Variants in ENTPD4 observed in about 807,000 individuals in gnomAD.
ENTPD4 encodes ectonucleoside triphosphate diphosphohydrolase 4.
A neutral mutation model predicts 79.1 loss-of-function variants in ENTPD4; 60 were observed. That is an observed-to-expected ratio of 0.76 (90% CI 0.62 to 0.94). The LOEUF (loss-of-function observed/expected upper bound fraction) is 0.94. Ranked by LOEUF, ENTPD4 falls within the 40% of genes least tolerant of loss-of-function variation. ENTPD4 has a pLI of 0.00. For synonymous variants in ENTPD4, 276 were observed against 292.0 expected, an observed-to-expected ratio of 0.95 and a Z score of 0.56; for missense variants, 772 against 775.1, an observed-to-expected ratio of 1.00 and a Z score of 0.05.
chr8:23,429,700 A>G lies in ENTPD4; in HGVS notation c.*3226T>C, dbSNP rs1173016461. ...CAGATGTGGAAAACTGGTGGTGAAA[A>G]GAGGGACCTACCCAGCCTTCAGGGT... On this transcript the variant is annotated 3_prime_UTR_variant, in exon 13 of 13. Coordinates refer to ENST00000358689, the MANE Select transcript of ENTPD4 (RefSeq NM_004901.5). 1 of 985,322 alleles carries G rather than the reference A, an allele frequency of 1.0e-6. No individual in the cohort carries two copies. Among genetic ancestry groups the G allele is most frequent in the Non-Finnish European group, 1.2e-6 (1 of 829,936 alleles). The allele number at this position is 985,322 out of a possible 1,614,324, so 61.0% of individuals were successfully genotyped here.
At chr8:23,453,415 C>G (rs1800899323) in intron 1 of ENTPD4, among the ~76,000 whole-genome samples, 1 of 152,120 alleles carries the variant, frequency 6.6e-6, no homozygotes, top group Non-Finnish European at 1.5e-5. Flanking sequence ...ATACACACAA[C>G]TTGGGAAAAG....
chr8:23,446,041 A>G (rs1489274607), intron 4 of ENTPD4, among the ~76,000 whole-genome samples: 2 of 152,238 alleles, frequency 1.3e-5, no homozygotes, highest in Non-Finnish European at 2.9e-5. Context: ...TTCAATTTCA[A>G]TGCACTCGAA....
chr8:23,456,916 C>T (rs561463484), intron 1 of ENTPD4, among the ~76,000 whole-genome samples: 2 of 152,288 alleles, frequency 1.3e-5, no homozygotes, highest in South Asian at 2.1e-4. Context: ...TCTTTAGTTT[C>T]CTTCGTGATA....
At chr8:23,450,051 T>A (rs913225582) in intron 1 of ENTPD4, 54 bp from the exon 2 acceptor site, 62 of 902,080 alleles carry the variant, frequency 6.9e-5, no homozygotes, top group Non-Finnish European at 2.9e-5. Context: ...AGAAAACATC[T>A]ACGTTCTTTA....
intron 1 of ENTPD4, among the ~76,000 whole-genome samples, chr8:23,454,232 T>C (rs1398688822): frequency 5.3e-5 from 8 of 152,212 alleles, no homozygotes; most frequent in Non-Finnish European, 8.8e-5. Flanking sequence ...AGAAAGCCTA[T>C]CTTAAAAGCC....
At chr8:23,436,325 C>T (rs1800559563) in intron 10 of ENTPD4, among the ~76,000 whole-genome samples, 1 of 152,110 alleles carries the variant, frequency 6.6e-6, no homozygotes, top group Admixed American at 6.5e-5. Flanking sequence ...TCCATGACTC[C>T]TAGGCTGCAG....
Position 23,429,690 on chromosome 8 carries a change from G to A in ENTPD4, c.*3236C>T. 5 of 985,432 alleles carry A rather than the reference G, an allele frequency of 5.1e-6. No homozygotes were observed. Among genetic ancestry groups the A allele is most frequent in the Non-Finnish European group, 6.0e-6 (5 of 829,920 alleles). The allele number at this position is 985,432 out of a possible 1,614,324, so 61.0% of individuals were successfully genotyped here. On this transcript the variant is annotated 3_prime_UTR_variant, in exon 13 of 13. Transcript: ENST00000358689. ...CTAGAGTACACAGATGTGGAAAACTGGTGGTGAAAAGAGGGACCTACCCAG... is the reference window on the plus strand; with the variant it reads ...CTAGAGTACACAGATGTGGAAAACTAGTGGTGAAAAGAGGGACCTACCCAG...
In ENTPD4 at chr8:23,431,896, T is replaced by C. The variant is rs1800460447; in HGVS notation, c.*1030A>G. 1.0e-6 allele frequency: 1 copy of C among 985,426 alleles called. No individual in the cohort carries two copies. The highest frequency in any genetic ancestry group is 4.7e-5 in the South Asian group (1 of 21,286). The allele number at this position is 985,426 out of a possible 1,614,324, so 61.0% of individuals were successfully genotyped here. ...GAATAAGGAGCGTAATTACCTGCGG[T>C]CAGGAAAAGATAACAGTAACGAGGA... is the stretch of plus-strand genomic sequence containing the variant. On this transcript the variant is annotated 3_prime_UTR_variant, in exon 13 of 13. Coordinates refer to ENST00000358689, the MANE Select transcript of ENTPD4 (RefSeq NM_004901.5).
chr8:23,444,639 G>C, intron 4 of ENTPD4, 33 bp from the exon 5 acceptor site: 1 of 1,601,648 alleles, frequency 6.2e-7, no homozygotes, highest in Non-Finnish European at 8.6e-7. Flanking sequence ...TTAAGAAGCA[G>C]ATATTTTAGC....
At position 23,429,934 on chromosome 8, in the gene ENTPD4, G is replaced by A. The variant is rs1417014202; in HGVS notation, c.*2992C>T. On this transcript the variant is annotated 3_prime_UTR_variant, in exon 13 of 13. Transcript: ENST00000358689. ...TCCCCTGGAGGAGGTTTAAAAGTGA[G>A]AAGCCCATGATATGGCTATGGAACA... 2 of 985,368 alleles carry A rather than the reference G, an allele frequency of 2.0e-6. No homozygotes were observed. Among genetic ancestry groups the A allele is most frequent in the Non-Finnish European group, 2.4e-6 (2 of 829,954 alleles). 61.0% of individuals were successfully genotyped at this position (985,368 alleles called of 1,614,324 possible).
chr8:23,434,221 C>T (rs781027409), intron 12 of ENTPD4, 96 bp downstream of exon 12: 11 of 1,498,182 alleles, frequency 7.3e-6, no homozygotes, highest in Non-Finnish European at 1.0e-5. Context: ...GCTCTAACAG[C>T]AATGCCCCAA....
chr8:23,443,753 A>T, intron 6 of ENTPD4, 97 bp downstream of exon 6: 1 of 646,162 alleles, frequency 1.5e-6, no homozygotes, highest in Non-Finnish European at 2.7e-6. Context: ...CCCAAATGTT[A>T]AGACAATAGG....
chr8:23,435,457 C>A lies in ENTPD4; in HGVS notation c.1395G>T (p.Trp465Cys). The change falls in exon 11 of 13, where the codon TGG (tryptophan) becomes TGT (cysteine). Residue 465 changes from tryptophan (W) to cysteine (C), a missense_variant. Coordinates refer to ENST00000358689, the MANE Select transcript of ENTPD4 (RefSeq NM_004901.5). Reference protein sequence around the residue: ...KAAKDYCATKWSILRERFDRG... With the variant: ...KAAKDYCATKCSILRERFDRG... ...GGTCAAAGCGTTCCCGCAAAATGGACCACTTTGTTGCACAATAATCCTGAA... is the reference window on the plus strand; with the variant it reads ...GGTCAAAGCGTTCCCGCAAAATGGAACACTTTGTTGCACAATAATCCTGAA... The A allele has an allele frequency of 6.2e-7, 1 of 1,613,896 alleles. No individual in the cohort carries two copies. Among genetic ancestry groups the A allele is most frequent in the Non-Finnish European group, 8.5e-7 (1 of 1,179,832 alleles).
chr8:23,433,161 A>C lies in ENTPD4; in HGVS notation c.1623-7T>G, dbSNP rs772822867. ...GGCCTCCTGCTGGATGTCTCTGCCCATGTGAACACCAAACAACAAACAGGA... is the reference window on the plus strand; with the variant it reads ...GGCCTCCTGCTGGATGTCTCTGCCCCTGTGAACACCAAACAACAAACAGGA... On this transcript the variant is annotated splice_polypyrimidine_tract_variant and splice_region_variant and intron_variant, in intron 12 of 12. Coordinates refer to ENST00000358689, the MANE Select transcript of ENTPD4 (RefSeq NM_004901.5). The C allele has an allele frequency of 5.0e-6, 8 of 1,613,266 alleles. No homozygotes were observed. Among genetic ancestry groups the C allele is most frequent in the Non-Finnish European group, 5.9e-6 (7 of 1,179,282 alleles).
At chr8:23,438,916 A>G (rs1187597177) in intron 9 of ENTPD4, among the ~76,000 whole-genome samples, 1 of 152,214 alleles carries the variant, frequency 6.6e-6, no homozygotes, top group African/African-American at 2.4e-5. Context: ...GTTTATTAAG[A>G]TTACATTAAT....
intron 1 of ENTPD4, among the ~76,000 whole-genome samples, chr8:23,454,089 T>C (rs1219800124): frequency 6.6e-6 from 1 of 152,250 alleles, no homozygotes; most frequent in Non-Finnish European, 1.5e-5. Flanking sequence ...CTTTATTTTC[T>C]TCCCTAGGCT....
chr8:23,440,077 C>T, intron 8 of ENTPD4, 162 bp from the exon 9 acceptor site: 1 of 570,260 alleles, frequency 1.8e-6, no homozygotes. Flanking sequence ...TATGACAATT[C>T]TGATTTAGGA....
chr8:23,457,037 G>T (rs958874989), intron 1 of ENTPD4, among the ~76,000 whole-genome samples: 2 of 152,204 alleles, frequency 1.3e-5, no homozygotes, highest in African/African-American at 4.8e-5. Context: ...TTTAAAAGGG[G>T]TCCGCGCATT....
rs532858074 is a variant in ENTPD4, at chr8:23,438,495, T to G, written c.1050-1237A>C. On this transcript the variant is annotated intron_variant, in intron 9 of 12. Transcript: ENST00000358689. ...CAATTCATGACATATGAAACACCTG[T>G]AATTACTATAAAAGTCCAAGAGTAG... Among the ~76,000 whole-genome samples the G allele has an allele frequency of 5.3e-5, 8 of 152,354 alleles. No homozygotes were observed. In the South Asian group the frequency reaches 1.7e-3, roughly 32 times the overall value.
Sources: allele counts gnomAD v4.1 joint callset (sites outside exome capture counted in the v4.1 genomes callset), GRCh38; gene constraint gnomAD v4.1.1; transcripts MANE v1.5; gene names NCBI Gene and HGNC (gene_info 2026-07-23, HGNC 2026-07-21).